SSH1: variants seen among roughly 807,000 people sequenced by gnomAD.
The protein encoded by SSH1 is protein phosphatase Slingshot homolog 1.
A neutral mutation model predicts 79.7 loss-of-function variants in SSH1; 43 were observed. The observed-to-expected ratio is 0.54, with a 90% CI of 0.42 to 0.70. The LOEUF (loss-of-function observed/expected upper bound fraction) is 0.70. Ranked by LOEUF, SSH1 falls within the 30% of genes least tolerant of loss-of-function variation. The pLI is 0.00. For synonymous variants in SSH1, 599 were observed against 538.3 expected (o/e 1.11, Z -1.56); for missense variants, 1,206 against 1,358.8 (o/e 0.89, Z 1.77).
chr12:108,842,827 A>T (rs2038811590), intron 2 of SSH1, among the ~76,000 whole-genome samples: 2 of 152,188 alleles, frequency 1.3e-5, no homozygotes, highest in African/African-American at 4.8e-5. Flanking sequence ...TTTACTACTA[A>T]ATAAAAACAG....
chr12:108,824,049 TC>T (rs1181036864), intron 2 of SSH1, among the ~76,000 whole-genome samples: 34 of 152,384 alleles, frequency 2.2e-4, no homozygotes, highest in Admixed American at 1.2e-3. Flanking sequence ...GCTGTTGATC[TC>T]TGCTTCTAAC....
At chr12:108,804,984 T>C in intron 10 of SSH1, 72 bp downstream of exon 10, 1 of 1,581,658 alleles carries the variant, frequency 6.3e-7, no homozygotes, top group Non-Finnish European at 8.6e-7. Context: ...CCGGACTTGC[T>C]ACAAACTCTT....
At chr12:108,827,182 G>C in intron 2 of SSH1, 3 of 1,383,408 alleles carry the variant, frequency 2.2e-6, no homozygotes, top group Non-Finnish European at 2.9e-6. Context: ...AAAAACCCCA[G>C]GCCCCCAAAA....
intron 5 of SSH1, among the ~76,000 whole-genome samples, chr12:108,815,788 C>T (rs941903728): frequency 1.3e-5 from 2 of 152,238 alleles, no homozygotes; most frequent in African/African-American, 4.8e-5. Flanking sequence ...CCATCTTCTA[C>T]ATGTGTCACA....
In SSH1 at chr12:108,781,887, G is replaced by A. The variant is rs1244834074; in HGVS notation, c.*6101C>T. On this transcript the variant is annotated 3_prime_UTR_variant, in exon 15 of 15. Coordinates refer to ENST00000326495, the MANE Select transcript of SSH1 (RefSeq NM_018984.4). ...CCAGCACTTTGGGAGGCCAAGGTGG[G>A]AGGATCACTTGAAGACAGGAATTAA... 2.6e-5 allele frequency: 4 copies of A among 152,262 alleles called. No homozygotes were observed. Among genetic ancestry groups the A allele is most frequent in the South Asian group, 2.1e-4 (1 of 4,828 alleles). 9.4% of individuals were successfully genotyped at this position (152,262 alleles called of 1,614,324 possible). A position where few individuals can be genotyped will look rare whatever the true frequency, so the allele number is the denominator to read the frequency against.
Position 108,837,420 on chromosome 12 carries a change from G to A in SSH1, c.111-14059C>T, listed in dbSNP as rs144886575. 3.6e-4 allele frequency among the ~76,000 whole-genome samples: 55 copies of A among 152,246 alleles called. No homozygotes were observed. The East Asian group carries it at 8.1e-3, about 22-fold the overall frequency. On this transcript the variant is annotated intron_variant, in intron 2 of 14. Transcript: ENST00000326495. ...CTTGAATGGGGTTAGAGGACTAGAC[G>A]GTGGGAATGCATCAGAGTCAGTGTC...
intron 14 of SSH1, among the ~76,000 whole-genome samples, chr12:108,790,687 C>T (rs1028984822): frequency 6.6e-6 from 1 of 152,132 alleles, no homozygotes; most frequent in Non-Finnish European, 1.5e-5. Context: ...TTATGGAGGT[C>T]GACAGATGCA....
At chr12:108,831,405 T>C (rs923461044) in intron 2 of SSH1, among the ~76,000 whole-genome samples, 2 of 152,214 alleles carry the variant, frequency 1.3e-5, no homozygotes, top group Non-Finnish European at 2.9e-5. Context: ...AACAAGTATT[T>C]GCTGAGTGTC....
At chr12:108,835,889 A>AGTTAT (rs1566012787) in intron 2 of SSH1, among the ~76,000 whole-genome samples, 11 of 69,122 alleles carry the variant, frequency 1.6e-4, no homozygotes, top group African/African-American at 5.2e-4. Context: ...TTAATTAATT[A>AGTTAT]TAACTATATT....
chr12:108,831,930 G>A (rs1247242784), intron 2 of SSH1, among the ~76,000 whole-genome samples: 1 of 152,182 alleles, frequency 6.6e-6, no homozygotes, highest in Admixed American at 6.5e-5. Context: ...CATGCTTGTG[G>A]TTGAGACATC....
At chr12:108,825,657 C>T (rs1429625747) in intron 2 of SSH1, among the ~76,000 whole-genome samples, 1 of 152,148 alleles carries the variant, frequency 6.6e-6, no homozygotes, top group Admixed American at 6.5e-5. Context: ...GATGCACTGC[C>T]GAGTCATCCT....
rs1201627751 is a variant in SSH1 at position 108,781,283 on chromosome 12, G to C, written c.*6705C>G. 4 of 152,052 alleles carry C rather than the reference G, an allele frequency of 2.6e-5. No individual in the cohort carries two copies. Among genetic ancestry groups the C allele is most frequent in the Non-Finnish European group, 5.9e-5 (4 of 68,034 alleles). 9.4% of individuals were successfully genotyped at this position (152,052 alleles called of 1,614,324 possible). On this transcript the variant is annotated 3_prime_UTR_variant, in exon 15 of 15. Transcript: ENST00000326495. ...TAAATAAATAAATAAATTTAGCTGG[G>C]TGCAGCAGTGTGTGGCTCTGGTCCC...
rs1306124247 is a variant in SSH1 at position 108,779,172 on chromosome 12, A to G, written c.*8816T>C. The G allele has an allele frequency of 1.3e-5, 2 of 152,158 alleles. No homozygotes were observed. The highest frequency in any genetic ancestry group is 2.9e-5 in the Non-Finnish European group (2 of 68,022). The allele number at this position is 152,158 out of a possible 1,614,324, so 9.4% of individuals were successfully genotyped here. The stretch of plus-strand genomic sequence containing the variant: ...GGGAGGTTGCTAATGTAAATGCCAC[A>G]CTGTATTTGCTGAAGTGGTTTACAA... On this transcript the variant is annotated 3_prime_UTR_variant, in exon 15 of 15. Transcript: ENST00000326495.
chr12:108,790,968 A>G (rs899049724), intron 14 of SSH1, among the ~76,000 whole-genome samples: 1 of 152,194 alleles, frequency 6.6e-6, no homozygotes, highest in Non-Finnish European at 1.5e-5. Context: ...GAATTAACCA[A>G]TTTCTCAGTA....
intron 2 of SSH1, among the ~76,000 whole-genome samples, chr12:108,840,785 CT>C (rs1375298382): frequency 6.6e-6 from 1 of 152,186 alleles, no homozygotes; most frequent in Non-Finnish European, 1.5e-5. Flanking sequence ...GGCTCTGCTC[CT>C]GGGGGCAGAC....
At position 108,784,236 on chromosome 12, in the gene SSH1, A is replaced by G. The variant is rs1447770105; in HGVS notation, c.*3752T>C. The G allele has an allele frequency of 6.6e-6, 1 of 152,266 alleles. No homozygotes were observed. Among genetic ancestry groups the G allele is most frequent in the African/African-American group, 2.4e-5 (1 of 41,456 alleles). 9.4% of individuals were successfully genotyped at this position (152,266 alleles called of 1,614,324 possible). ...CCCTCAGATAAGAGTGCATTAGTCC[A>G]GGGCCGTGCTGAGGGTCTGTTCTGT... On this transcript the variant is annotated 3_prime_UTR_variant, in exon 15 of 15. Coordinates refer to ENST00000326495, the MANE Select transcript of SSH1 (RefSeq NM_018984.4).
rs745952818 is a variant in SSH1 at position 108,799,088 on chromosome 12, T to C, written c.1261A>G (p.Asn421Asp). The C allele has an allele frequency of 1.2e-6, 2 of 1,614,094 alleles. No homozygotes were observed. Among genetic ancestry groups the C allele is most frequent in the East Asian group, 2.2e-5 (1 of 44,900 alleles). Residue 421 changes from asparagine to aspartate, a missense_variant, in exon 13 of 15, where the codon AAC (asparagine) becomes GAC (aspartate). Coordinates refer to ENST00000326495, the MANE Select transcript of SSH1 (RefSeq NM_018984.4). ...ATGCTGCGCTTCTGCTTTACATAGT[T>C]ATATGCTTTTTCCAGAGGCCAGCCG... is the stretch of plus-strand genomic sequence containing the variant. ...EFGWPLEKAY[N>D]YVKQKRSITR...
At chr12:108,836,526 G>T (rs2038635409) in intron 2 of SSH1, among the ~76,000 whole-genome samples, 1 of 152,182 alleles carries the variant, frequency 6.6e-6, no homozygotes, top group South Asian at 2.1e-4. Context: ...GATCCCACTG[G>T]CCCTAACTGT....
chr12:108,804,390 G>T (rs1272468408), intron 10 of SSH1, among the ~76,000 whole-genome samples: 1 of 152,174 alleles, frequency 6.6e-6, no homozygotes, highest in Non-Finnish European at 1.5e-5. Flanking sequence ...TTTTAGTAAC[G>T]TGCCTTCCTC....
Sources: gnomAD v4.1 joint callset for allele counts (sites outside exome capture counted in the v4.1 genomes callset) on GRCh38, gnomAD v4.1.1 for gene constraint, MANE v1.5 for transcripts, NCBI Gene and HGNC (gene_info 2026-07-23, HGNC 2026-07-21) for gene names.